DMD: variants seen among roughly 807,000 people sequenced by gnomAD.
The protein encoded by DMD is dystrophin, also known as mutant dystrophin.
Under a neutral mutation model 330.1 loss-of-function variants are expected in DMD, and 63 were observed. The observed-to-expected ratio is 0.19, with a 90% confidence interval of 0.16 to 0.24. The LOEUF is 0.24. DMD is among the 10% of genes least tolerant of loss of function. DMD has a pLI of 1.00. For missense variants in DMD, 3,344 were observed against 2,684.1 expected, an observed-to-expected ratio of 1.25 and a Z score of -5.43; for synonymous variants, 1,223 against 959.8, an observed-to-expected ratio of 1.27 and a Z score of -5.07.
intron 50 of DMD, among the ~76,000 whole-genome samples, chrX:31,809,167 G>A (rs989265573): frequency 2.5e-5 from 1 of 40,126 alleles, no homozygotes; most frequent in Admixed American, 2.7e-4. Context: ...ATATATATGA[G>A]TTTATATATA....
chrX:33,330,882 A>G (rs1188818230), intron 1 of DMD, among the ~76,000 whole-genome samples: 1 of 111,629 alleles, frequency 9.0e-6, no homozygotes, highest in Non-Finnish European at 1.9e-5. Context: ...CATCACTCAC[A>G]CTAGGAACTC....
intron 7 of DMD, among the ~76,000 whole-genome samples, chrX:32,743,357 T>A (rs977100972): frequency 8.9e-6 from 1 of 111,753 alleles, no homozygotes; most frequent in East Asian, 2.8e-4. Flanking sequence ...TTTGTCTCAC[T>A]TTATCATTTT....
chrX:32,407,516 C>G lies in DMD; in HGVS notation c.4233+4236G>C, dbSNP rs758895101. On this transcript the variant is annotated intron_variant, in intron 30 of 78. Coordinates refer to ENST00000357033, the MANE Select transcript of DMD (RefSeq NM_004006.3). ...GTGGAGAAATAGGAACACTTTTACACTGTTGGTGGGACTGTAAACTAGTTC... is the reference window on the plus strand; with the variant it reads ...GTGGAGAAATAGGAACACTTTTACAGTGTTGGTGGGACTGTAAACTAGTTC... Among the ~76,000 whole-genome samples the G allele has an allele frequency of 8.0e-4, 89 of 111,182 alleles. 1 individual carries two copies. In the South Asian group the frequency reaches 0.033, roughly 41 times the overall value.
intron 61 of DMD, among the ~76,000 whole-genome samples, chrX:31,331,615 C>T (rs370031533): frequency 2.7e-5 from 3 of 111,498 alleles, no homozygotes; most frequent in African/African-American, 9.8e-5. Flanking sequence ...CGAGTAAATT[C>T]GAACATAATT....
intron 52 of DMD, among the ~76,000 whole-genome samples, chrX:31,726,019 G>T (rs201819024): frequency 8.9e-6 from 1 of 111,928 alleles, no homozygotes; most frequent in South Asian, 3.7e-4. Flanking sequence ...CAGCCCTTTT[G>T]CAGAAGAAAA....
intron 2 of DMD, among the ~76,000 whole-genome samples, chrX:32,925,816 G>A (rs2088959981): frequency 1.8e-5 from 2 of 111,916 alleles, no homozygotes; most frequent in South Asian, 3.7e-4. Flanking sequence ...AAGTTTGATA[G>A]TAAAAACAAA....
At chrX:32,878,898 C>A (rs2083609738) in intron 2 of DMD, among the ~76,000 whole-genome samples, 1 of 108,197 alleles carries the variant, frequency 9.2e-6, no homozygotes, top group African/African-American at 3.4e-5. Context: ...ATCCCAGCTA[C>A]TGGGGAGGCT....
intron 43 of DMD, among the ~76,000 whole-genome samples, chrX:32,226,207 T>C (rs988015108): frequency 4.5e-5 from 5 of 111,872 alleles, no homozygotes; most frequent in African/African-American, 1.6e-4. Flanking sequence ...CTTCCTACTT[T>C]GGTCCCTATA....
At position 32,620,452 on chromosome X, in the gene DMD, A is replaced by C. The variant is rs144694095; in HGVS notation, c.1332-5999T>G. On this transcript the variant is annotated intron_variant, in intron 11 of 78. Transcript: ENST00000357033. The stretch of plus-strand genomic sequence containing the variant: ...TGTTTACAATAATTTAGATTGCACT[A>C]TTTATTGACTTTTAACATTTTAGAG... 4.0e-3 allele frequency among the ~76,000 whole-genome samples: 453 copies of C among 112,457 alleles called. 8 individuals carry two copies. Among genetic ancestry groups the C allele is most frequent in the East Asian group, 0.03 (105 of 3,550 alleles).
chrX:31,892,262 T>C (rs1048189770), intron 47 of DMD, among the ~76,000 whole-genome samples: 1 of 111,881 alleles, frequency 8.9e-6, no homozygotes, highest in African/African-American at 3.2e-5. Flanking sequence ...GGAAACGATA[T>C]GTCAACATAA....
rs200045725 is a variant in DMD, at chrX:31,929,721, G to A, written c.6787C>T (p.Arg2263Cys). 5.0e-6 allele frequency: 6 copies of A among 1,209,203 alleles called. No homozygotes were observed. The highest frequency in any genetic ancestry group is 5.9e-5 in the East Asian group (2 of 33,727). ...TTTAATTGTTTGAGAATTCCCTGGC[G>A]CAGGGGCAACTCTTCCACCAGTAAC... The part of the protein sequence containing the change: ...VKLLVEELPL[R>C]QGILKQLNET... Residue 2263 changes from arginine to cysteine, a missense_variant, in exon 47 of 79, where the codon CGC becomes TGC. Transcript: ENST00000357033.
rs186164854 is a variant in DMD at position 32,644,519 on chromosome X, A to C, written c.1150-206T>G. Among the ~76,000 whole-genome samples the C allele has an allele frequency of 3.0e-4, 33 of 110,514 alleles. 1 individual carries two copies. The highest frequency in any genetic ancestry group is 2.3e-3 in the Admixed American group (23 of 10,165). ...ATCTTAAGTCAAGTTCTTCAGAAGC[A>C]GGCCCCGAGATAAGGACTTCAGTGC... On this transcript the variant is annotated intron_variant, in intron 10 of 78. Coordinates refer to ENST00000357033, the MANE Select transcript of DMD (RefSeq NM_004006.3).
intron 1 of DMD, among the ~76,000 whole-genome samples, chrX:33,305,091 C>A (rs746514458): frequency 9.1e-6 from 1 of 110,044 alleles, no homozygotes; most frequent in African/African-American, 3.3e-5. Context: ...GACTATAAAT[C>A]ATGCTGCTAT....
rs972369383 is a variant in DMD at position 31,585,052 on chromosome X, T to C, written c.8217+42621A>G. ...GAATGCAAACTCCAATGAGGCGCGG[T>C]GGCTCACACCTGTAATCCCAGCACT... On this transcript the variant is annotated intron_variant, in intron 55 of 78. Coordinates refer to ENST00000357033, the MANE Select transcript of DMD (RefSeq NM_004006.3). Among the ~76,000 whole-genome samples, 4 of 110,422 alleles carry C rather than the reference T, an allele frequency of 3.6e-5. No homozygotes were observed. The Admixed American group carries it at 3.9e-4, about 11-fold the overall frequency.
chrX:32,106,188 A>G (rs1186431591), intron 44 of DMD, among the ~76,000 whole-genome samples: 1 of 112,033 alleles, frequency 8.9e-6, no homozygotes, highest in African/African-American at 3.2e-5. Context: ...TATAAAATGC[A>G]TATTCTGTAG....
chrX:33,250,251 G>T (rs917361496), intron 1 of DMD, among the ~76,000 whole-genome samples: 4 of 106,929 alleles, frequency 3.7e-5, no homozygotes, highest in African/African-American at 1.4e-4. Flanking sequence ...AAAATCTGGG[G>T]GTATAGGGGT....
chrX:33,175,945 C>T (rs773405060), intron 1 of DMD, among the ~76,000 whole-genome samples: 12 of 111,265 alleles, frequency 1.1e-4, no homozygotes, highest in African/African-American at 3.6e-4. Context: ...TGAGGAGGGG[C>T]CAGGAATTTT....
rs138107689 is a variant in DMD, at chrX:31,784,923, C to A, written c.7310-10731G>T. ...ATTGGGATGTAATCCCAGTGTAAATCAATGAGCATCTGTATATCCAAAAGA... is the reference window on the plus strand; with the variant it reads ...ATTGGGATGTAATCCCAGTGTAAATAAATGAGCATCTGTATATCCAAAAGA... On this transcript the variant is annotated intron_variant, in intron 50 of 78. Transcript: ENST00000357033. 7.6e-3 allele frequency among the ~76,000 whole-genome samples: 848 copies of A among 111,848 alleles called. 7 individuals are homozygous for A. The highest frequency in any genetic ancestry group is 0.026 in the African/African-American group (788 of 30,805).
chrX:32,187,738 CT>C (rs900144962), intron 44 of DMD, among the ~76,000 whole-genome samples: 2 of 111,073 alleles, frequency 1.8e-5, no homozygotes. Flanking sequence ...TTTTTAACCC[CT>C]AACCTAATTT....
Sources: gnomAD v4.1 joint callset for allele counts (sites outside exome capture counted in the v4.1 genomes callset) on GRCh38, gnomAD v4.1.1 for gene constraint, MANE v1.5 for transcripts, NCBI Gene and HGNC (gene_info 2026-07-23, HGNC 2026-07-21) for gene names.